GLIS3: variants seen among roughly 807,000 people sequenced by gnomAD.
GLIS3 encodes the protein GLIS family zinc finger 3.
Under a neutral mutation model 78.6 loss-of-function variants are expected in GLIS3, and 53 were observed. That is an observed-to-expected ratio of 0.67 (90% CI 0.54 to 0.85). GLIS3 has a LOEUF of 0.85. Ranked by LOEUF, GLIS3 falls within the 40% of genes least tolerant of loss-of-function variation. The pLI, the probability that GLIS3 is intolerant of heterozygous loss-of-function variation, is 0.00. For missense variants in GLIS3, 1,703 were observed against 1,231.1 expected, an observed-to-expected ratio of 1.38 and a Z score of -5.74; for synonymous variants, 684 against 509.9, an observed-to-expected ratio of 1.34 and a Z score of -4.60.
At position 4,056,898 on chromosome 9, in the gene GLIS3, CTTTTT is replaced by C. The variant is rs34752011; in HGVS notation, c.1710+60865_1710+60869del. On this transcript the variant is annotated intron_variant, in intron 4 of 10. Transcript: ENST00000381971. The stretch of plus-strand genomic sequence containing the variant: ...GAAAAAGCTGCTCCTCTTCAAGACA[CTTTTT>C]TTTTTTTTTTTTTTTTTGCCATCTG... Among the ~76,000 whole-genome samples the C allele has an allele frequency of 2.2e-3, 217 of 98,052 alleles. 2 individuals are homozygous for C. The East Asian group carries it at 0.06, about 27-fold the overall frequency. The allele number at this position is 98,052 out of a possible 152,430, so 64.3% of individuals were successfully genotyped here. A position where few individuals can be genotyped will look rare whatever the true frequency, so the allele number is the denominator to read the frequency against.
At chr9:4,234,467 T>C (rs1203361312) in intron 2 of GLIS3, among the ~76,000 whole-genome samples, 3 of 152,198 alleles carry the variant, frequency 2.0e-5, no homozygotes, top group Non-Finnish European at 4.4e-5. Flanking sequence ...ACAACACTTA[T>C]TGGTTAAGTT....
At chr9:4,384,994 G>A in the GLIS3 span, among the ~76,000 whole-genome samples, 4 of 152,202 alleles carry the variant, frequency 2.6e-5, no homozygotes, top group African/African-American at 9.7e-5. Flanking sequence ...GCCCAACAGA[G>A]GCGCAGAAAC....
intron 2 of GLIS3, among the ~76,000 whole-genome samples, chr9:4,157,883 C>T (rs924649761): frequency 6.6e-5 from 10 of 152,146 alleles, no homozygotes; most frequent in African/African-American, 2.4e-4. Context: ...TTAGAAACTT[C>T]ATGCTTCATT....
intron 4 of GLIS3, among the ~76,000 whole-genome samples, chr9:3,965,660 A>C (rs962243186): frequency 1.3e-5 from 2 of 152,212 alleles, no homozygotes; most frequent in Non-Finnish European, 2.9e-5. Flanking sequence ...AGTGCAGCAG[A>C]AGGAGTGGAA....
intron 2 of GLIS3, among the ~76,000 whole-genome samples, chr9:4,213,898 A>G (rs1364285252): frequency 6.6e-6 from 1 of 150,620 alleles, no homozygotes; most frequent in Non-Finnish European, 1.5e-5. Flanking sequence ...TTATGCTTTA[A>G]TAGGGAAGGC....
At chr9:4,252,338 T>C (rs930646255) in intron 2 of GLIS3, among the ~76,000 whole-genome samples, 3 of 152,264 alleles carry the variant, frequency 2.0e-5, no homozygotes, top group East Asian at 1.9e-4. Context: ...TTTGTCTTCA[T>C]GCTTTATTTC....
intron 4 of GLIS3, among the ~76,000 whole-genome samples, chr9:3,959,742 C>T (rs1215922783): frequency 1.3e-5 from 2 of 152,204 alleles, no homozygotes; most frequent in African/African-American, 4.8e-5. Flanking sequence ...TTATCGCTCC[C>T]TCCCAAATAG....
chr9:4,333,713 C>G (rs1817715833), intron 2 of GLIS3, among the ~76,000 whole-genome samples: 3 of 151,988 alleles, frequency 2.0e-5, no homozygotes, highest in South Asian at 4.2e-4. Flanking sequence ...TGGCTCTAGA[C>G]GTAATTGTGA....
chr9:4,367,433 G>C, the GLIS3 span, among the ~76,000 whole-genome samples: 1 of 151,982 alleles, frequency 6.6e-6, no homozygotes, highest in African/African-American at 2.4e-5. Flanking sequence ...CCCTAAACTA[G>C]GTCTTCCTGC....
intron 9 of GLIS3, among the ~76,000 whole-genome samples, chr9:3,854,124 G>C (rs1428919466): frequency 6.6e-6 from 1 of 152,180 alleles, no homozygotes; most frequent in Non-Finnish European, 1.5e-5. Flanking sequence ...GGTGAGGATG[G>C]CTTCATGGCA....
At chr9:4,228,082 G>C (rs1821928698) in intron 2 of GLIS3, among the ~76,000 whole-genome samples, 1 of 151,748 alleles carries the variant, frequency 6.6e-6, no homozygotes, top group Non-Finnish European at 1.5e-5. Flanking sequence ...AAGGGGCCAG[G>C]AGAATCACAC....
the GLIS3 span, among the ~76,000 whole-genome samples, chr9:4,392,815 T>A: frequency 6.6e-6 from 1 of 152,168 alleles, no homozygotes; most frequent in Non-Finnish European, 1.5e-5. Flanking sequence ...CTTATAATGT[T>A]AAGTAGAAAC....
the GLIS3 span, among the ~76,000 whole-genome samples, chr9:4,392,698 C>G: frequency 1.3e-5 from 2 of 152,280 alleles, no homozygotes; most frequent in Non-Finnish European, 2.9e-5. Context: ...GAGGGACACC[C>G]TGTTTATGAC....
chr9:4,244,628 G>A (rs1192007302), intron 2 of GLIS3, among the ~76,000 whole-genome samples: 1 of 152,046 alleles, frequency 6.6e-6, no homozygotes, highest in Admixed American at 6.6e-5. Context: ...AGGCTGGAAT[G>A]CAATGGTGCA....
At chr9:4,323,487 G>C (rs1187793973) in intron 2 of GLIS3, among the ~76,000 whole-genome samples, 1 of 152,040 alleles carries the variant, frequency 6.6e-6, no homozygotes, top group African/African-American at 2.4e-5. Context: ...TTATATTACT[G>C]TGTAATATTC....
the GLIS3 span, among the ~76,000 whole-genome samples, chr9:4,431,565 C>T: frequency 6.6e-6 from 1 of 152,116 alleles, no homozygotes; most frequent in Non-Finnish European, 1.5e-5. Context: ...CCATATAGGG[C>T]CAGGCATGGT....
At chr9:4,461,244 G>A in the GLIS3 span, among the ~76,000 whole-genome samples, 1 of 152,128 alleles carries the variant, frequency 6.6e-6, no homozygotes, top group South Asian at 2.1e-4. Context: ...TACTTCATGG[G>A]TATTTGTATG....
chr9:4,013,953 A>G (rs1356164572), intron 4 of GLIS3, among the ~76,000 whole-genome samples: 1 of 152,188 alleles, frequency 6.6e-6, no homozygotes, highest in East Asian at 1.9e-4. Context: ...CTCAAATCCC[A>G]AAGACAGGGG....
At chr9:4,021,018 G>C (rs1822841132) in intron 4 of GLIS3, among the ~76,000 whole-genome samples, 1 of 152,212 alleles carries the variant, frequency 6.6e-6, no homozygotes, top group African/African-American at 2.4e-5. Context: ...TGCAGGACTT[G>C]TTCAAGACTA....
Sources: gnomAD v4.1 joint callset for allele counts (sites outside exome capture counted in the v4.1 genomes callset) on GRCh38, gnomAD v4.1.1 for gene constraint, MANE v1.5 for transcripts, NCBI Gene and HGNC (gene_info 2026-07-23, HGNC 2026-07-21) for gene names.